The following ZBTB20 variants were observed in gnomAD, a reference collection of about 807,000 sequenced individuals.
ZBTB20 encodes the protein zinc finger and BTB domain-containing protein 20.
ZBTB20 carries 9 observed loss-of-function variants against 56.9 expected under a neutral mutation model. That is an observed-to-expected ratio of 0.16 (90% CI 0.10 to 0.28). The LOEUF (loss-of-function observed/expected upper bound fraction) is 0.28, where lower values mean the gene tolerates loss of function less well. ZBTB20 is among the 10% of genes least tolerant of loss of function. ZBTB20 has a pLI of 1.00. For missense variants in ZBTB20, 655 were observed against 1,003.0 expected (o/e 0.65, Z 4.69); for synonymous variants, 417 against 420.7 (o/e 0.99, Z 0.11).
intron 4 of ZBTB20, among the ~76,000 whole-genome samples, chr3:114,871,230 G>A (rs1213725494): frequency 6.6e-6 from 1 of 151,926 alleles, no homozygotes; most frequent in Admixed American, 6.6e-5. Context: ...TTTTTGGTTA[G>A]TTACCAATCA....
chr3:114,578,308 A>G (rs1407133457), intron 6 of ZBTB20, among the ~76,000 whole-genome samples: 1 of 152,078 alleles, frequency 6.6e-6, no homozygotes, highest in African/African-American at 2.4e-5. Context: ...TGAAATAGCA[A>G]TTGAGATACT....
At chr3:114,581,446 A>G (rs2054622593) in intron 6 of ZBTB20, among the ~76,000 whole-genome samples, 2 of 152,060 alleles carry the variant, frequency 1.3e-5, no homozygotes, top group Admixed American at 6.6e-5. Context: ...CTTTATAAAA[A>G]CAAATACTAC....
chr3:114,744,679 T>A lies in ZBTB20; in HGVS notation c.-342-51104A>T, dbSNP rs140458798. 1.1e-4 allele frequency among the ~76,000 whole-genome samples: 17 copies of A among 152,288 alleles called. No homozygotes were observed. The East Asian group carries it at 2.7e-3, about 24-fold the overall frequency. The stretch of plus-strand genomic sequence containing the variant: ...AAGTGCTTAGGTGCTACAGCGATAG[T>A]CACCATATAAATGCAGAAGAGATCA... On this transcript the variant is annotated intron_variant, in intron 5 of 11. Transcript: ENST00000675478.
intron 6 of ZBTB20, among the ~76,000 whole-genome samples, chr3:114,543,482 T>C (rs527919649): frequency 1.3e-5 from 2 of 152,316 alleles, no homozygotes; most frequent in South Asian, 2.1e-4. Context: ...CTATATCAAC[T>C]GATTCAAGCC....
intron 2 of ZBTB20, among the ~76,000 whole-genome samples, chr3:114,997,089 T>C (rs1354109390): frequency 6.6e-6 from 1 of 151,814 alleles, no homozygotes; most frequent in Non-Finnish European, 1.5e-5. Context: ...TCCTCAAGAA[T>C]GGTGAGAAAT....
chr3:114,744,888 A>G (rs577752593), intron 5 of ZBTB20, among the ~76,000 whole-genome samples: 27 of 152,242 alleles, frequency 1.8e-4, no homozygotes, highest in Middle Eastern at 6.8e-3. Context: ...GTGTGCAAAG[A>G]GCCTAGAAAA....
chr3:114,866,132 C>T (rs1384557958), intron 4 of ZBTB20, among the ~76,000 whole-genome samples: 1 of 152,174 alleles, frequency 6.6e-6, no homozygotes, highest in Non-Finnish European at 1.5e-5. Flanking sequence ...AACTTTATTT[C>T]CTCATGTATT....
Position 115,104,044 on chromosome 3 carries a change from T to C in ZBTB20, c.-702-32630A>G, listed in dbSNP as rs188000216. On this transcript the variant is annotated intron_variant, in intron 1 of 11. Transcript: ENST00000675478. ...CTGATTAAAAATGGGCAGAAGACTT[T>C]AACAGTGACCTCACCAAAGAAGATA... is the stretch of plus-strand genomic sequence containing the variant. 2.0e-5 allele frequency among the ~76,000 whole-genome samples: 3 copies of C among 152,310 alleles called. 1 individual carries two copies. The highest frequency in any genetic ancestry group is 2.0e-4 in the Admixed American group (3 of 15,298).
intron 1 of ZBTB20, among the ~76,000 whole-genome samples, chr3:115,074,666 A>G (rs1001737399): frequency 2.6e-5 from 4 of 152,180 alleles, no homozygotes; most frequent in African/African-American, 9.6e-5. Context: ...CAGCACAGCA[A>G]TTGCTGAGAA....
intron 1 of ZBTB20, among the ~76,000 whole-genome samples, chr3:115,086,416 C>T (rs896191978): frequency 1.2e-4 from 18 of 151,764 alleles, no homozygotes; most frequent in African/African-American, 3.9e-4. Flanking sequence ...AAGAGTATTA[C>T]TAGAACCCTA....
rs2079504365 is a variant in ZBTB20 at position 114,337,650 on chromosome 3, C to G, written c.*1355G>C. 6.6e-6 allele frequency: 1 copy of G among 151,940 alleles called. No homozygotes were observed. Among genetic ancestry groups the G allele is most frequent in the Admixed American group, 6.6e-5 (1 of 15,254 alleles). The allele number at this position is 151,940 out of a possible 1,614,324, so 9.4% of individuals were successfully genotyped here. Reference sequence around the variant, plus strand: ...CAGGGATGGGCTGGCCACAGAGGCCCTCATCAACCCAGGCAATACTTAAAA... The same window carrying G: ...CAGGGATGGGCTGGCCACAGAGGCCGTCATCAACCCAGGCAATACTTAAAA... On this transcript the variant is annotated 3_prime_UTR_variant, in exon 12 of 12. Coordinates refer to ENST00000675478, the MANE Select transcript of ZBTB20 (RefSeq NM_001348800.3).
chr3:114,955,089 T>C (rs1413616038), intron 3 of ZBTB20, among the ~76,000 whole-genome samples: 4 of 152,166 alleles, frequency 2.6e-5, no homozygotes, highest in Admixed American at 2.6e-4. Flanking sequence ...CTACTGCCCC[T>C]ATGGTGCCCT....
chr3:114,514,263 T>C (rs887850201), intron 6 of ZBTB20, among the ~76,000 whole-genome samples: 4 of 152,324 alleles, frequency 2.6e-5, no homozygotes, highest in East Asian at 1.9e-4. Context: ...TTTGAACTTA[T>C]ATATTGACAA....
chr3:114,475,411 C>A (rs1292258932), intron 7 of ZBTB20, among the ~76,000 whole-genome samples: 1 of 152,170 alleles, frequency 6.6e-6, no homozygotes, highest in East Asian at 1.9e-4. Context: ...ATTAAAACTT[C>A]TAGGGCAAGA....
intron 1 of ZBTB20, among the ~76,000 whole-genome samples, chr3:115,090,690 T>C (rs2083157279): frequency 6.6e-6 from 1 of 151,880 alleles, no homozygotes; most frequent in Non-Finnish European, 1.5e-5. Flanking sequence ...TAAATAATAT[T>C]TGTATACTAC....
At chr3:114,528,161 CTA>C (rs769487930) in intron 6 of ZBTB20, among the ~76,000 whole-genome samples, 6 of 151,962 alleles carry the variant, frequency 3.9e-5, no homozygotes, top group African/African-American at 1.2e-4. Context: ...AAAATGTGCT[CTA>C]GAGTCAAATT....
chr3:114,879,788 T>C (rs907667340), intron 4 of ZBTB20, among the ~76,000 whole-genome samples: 1 of 152,146 alleles, frequency 6.6e-6, no homozygotes, highest in Non-Finnish European at 1.5e-5. Flanking sequence ...TGTTTGTTTC[T>C]AAAGCACCTC....
chr3:114,809,909 C>T (rs527519489), intron 4 of ZBTB20, among the ~76,000 whole-genome samples: 2 of 152,342 alleles, frequency 1.3e-5, no homozygotes, highest in Non-Finnish European at 2.9e-5. Context: ...TGCAGCCTCT[C>T]TTCCCCATGC....
At chr3:114,951,833 T>A (rs577825895) in intron 3 of ZBTB20, among the ~76,000 whole-genome samples, 1 of 152,204 alleles carries the variant, frequency 6.6e-6, no homozygotes, top group Non-Finnish European at 1.5e-5. Flanking sequence ...ATGACACAGA[T>A]GTTGGAATTG....
Sources: allele counts gnomAD v4.1 joint callset (sites outside exome capture counted in the v4.1 genomes callset), GRCh38; gene constraint gnomAD v4.1.1; transcripts MANE v1.5; gene names NCBI Gene and HGNC (gene_info 2026-07-23, HGNC 2026-07-21).